RSPRY1: variants seen among roughly 807,000 people sequenced by gnomAD.
RSPRY1 encodes the protein RING finger and SPRY domain-containing protein 1.
RSPRY1 carries 23 observed loss-of-function variants against 73.1 expected under a neutral mutation model. The observed-to-expected ratio is 0.31, with a 90% CI of 0.23 to 0.45. The LOEUF (loss-of-function observed/expected upper bound fraction) is 0.45. Among genes scored for constraint, RSPRY1 ranks in the 20% least tolerant of loss-of-function variants. The probability of loss-of-function intolerance (pLI) is 1.00; values close to 1 mark genes in which losing one functional copy is unlikely to be tolerated. For synonymous variants in RSPRY1, 226 were observed against 251.4 expected, an observed-to-expected ratio of 0.90 and a Z score of 0.95; for missense variants, 448 against 698.7, an observed-to-expected ratio of 0.64 and a Z score of 4.05.
At chr16:57,220,885 G>A in intron 9 of RSPRY1, 38 bp downstream of exon 9, 1 of 1,386,310 alleles carries the variant, frequency 7.2e-7, no homozygotes, top group Middle Eastern at 1.8e-4. Context: ...TTTGGGGGAT[G>A]AGAGGGTAAT....
chr16:57,222,238 A>G (rs1463750188), intron 10 of RSPRY1, among the ~76,000 whole-genome samples: 4 of 152,164 alleles, frequency 2.6e-5, no homozygotes, highest in Admixed American at 6.5e-5. Context: ...CTTGCCGGCC[A>G]TAAGTATGGT....
rs528915304 is a variant in RSPRY1 at position 57,196,989 on chromosome 16, A to G, written c.-155-7515A>G. Among the ~76,000 whole-genome samples the G allele has an allele frequency of 2.6e-5, 4 of 152,314 alleles. No homozygotes were observed. The South Asian group carries it at 6.2e-4, about 24-fold the overall frequency. On this transcript the variant is annotated intron_variant, in intron 1 of 14. Coordinates refer to ENST00000394420, the MANE Select transcript of RSPRY1 (RefSeq NM_133368.3). ...TTAATTAGGACGTGTATCAGTAAAT[A>G]TTGCAGGGCTGGGACTTTCACCTAG... is the stretch of plus-strand genomic sequence containing the variant.
chr16:57,239,900 G>A lies in RSPRY1; in HGVS notation c.*925G>A, dbSNP rs1217058291. On this transcript the variant is annotated 3_prime_UTR_variant, in exon 15 of 15. Coordinates refer to ENST00000394420, the MANE Select transcript of RSPRY1 (RefSeq NM_133368.3). ...ACTAATAGTCTCAAAAACTCTAGAG[G>A]ACAGTCTGAGAACACGTATTTCTAT... 1.3e-5 allele frequency: 2 copies of A among 152,048 alleles called. No individual in the cohort carries two copies. The highest frequency in any genetic ancestry group is 1.9e-4 in the East Asian group (1 of 5,196). The allele number at this position is 152,048 out of a possible 1,614,324, so 9.4% of individuals were successfully genotyped here. A position where few individuals can be genotyped will look rare whatever the true frequency, so the allele number is the denominator to read the frequency against.
At chr16:57,204,252 CAAT>C (rs2074681733) in intron 1 of RSPRY1, among the ~76,000 whole-genome samples, 1 of 151,838 alleles carries the variant, frequency 6.6e-6, no homozygotes, top group South Asian at 2.1e-4. Context: ...TTAAAAAAAT[CAAT>C]GATAACTCCT....
Position 57,204,747 on chromosome 16 carries a change from T to C in RSPRY1, c.89T>C (p.Phe30Ser). The C allele has an allele frequency of 6.2e-7, 1 of 1,614,178 alleles. No homozygotes were observed. The part of the protein sequence containing the change: ...LLTLEEHIAH[F>S]LGTGGAATTM... Reference sequence around the variant, plus strand: ...ACTCTCGAAGAGCACATAGCCCACTTCCTAGGGACTGGAGGTGCCGCTACT... The same window carrying C: ...ACTCTCGAAGAGCACATAGCCCACTCCCTAGGGACTGGAGGTGCCGCTACT... The change falls in exon 2 of 15, where the codon TTC becomes TCC. Residue 30 changes from phenylalanine (F) to serine (S), a missense_variant. Coordinates refer to ENST00000394420, the MANE Select transcript of RSPRY1 (RefSeq NM_133368.3).
intron 1 of RSPRY1, among the ~76,000 whole-genome samples, chr16:57,200,955 G>C (rs1344762697): frequency 1.5e-5 from 2 of 129,426 alleles, no homozygotes; most frequent in Admixed American, 7.4e-5. Flanking sequence ...GCCGGGGGGG[G>C]GGGGGGCTGA....
chr16:57,225,235 A>G (rs2075102641), intron 10 of RSPRY1, among the ~76,000 whole-genome samples: 2 of 152,110 alleles, frequency 1.3e-5, no homozygotes, highest in African/African-American at 4.8e-5. Context: ...TAATTTTTGT[A>G]TTTTTAGTAG....
intron 14 of RSPRY1, among the ~76,000 whole-genome samples, chr16:57,236,134 A>C (rs1415123030): frequency 6.6e-6 from 1 of 152,198 alleles, no homozygotes; most frequent in Admixed American, 6.5e-5. Context: ...TGGAGGGTTT[A>C]GTTATCAGGG....
chr16:57,190,715 A>G (rs1437500950), intron 1 of RSPRY1, among the ~76,000 whole-genome samples: 1 of 152,168 alleles, frequency 6.6e-6, no homozygotes, highest in Non-Finnish European at 1.5e-5. Context: ...AGGAGTGAAT[A>G]TTTCCCTTTG....
intron 5 of RSPRY1, among the ~76,000 whole-genome samples, 183 bp from the exon 6 acceptor site, chr16:57,213,705 T>G (rs2074888191): frequency 6.6e-6 from 1 of 152,276 alleles, no homozygotes; most frequent in Admixed American, 6.5e-5. Context: ...AGTTAGTTGC[T>G]TAATTCTGTG....
At chr16:57,219,270 C>A (rs1344963407) in intron 8 of RSPRY1, among the ~76,000 whole-genome samples, 1 of 152,198 alleles carries the variant, frequency 6.6e-6, no homozygotes, top group Non-Finnish European at 1.5e-5. Flanking sequence ...AATTTGCATT[C>A]CTACTACCAG....
chr16:57,194,208 T>TA lies in RSPRY1; in HGVS notation c.-156+7765dup, dbSNP rs558962437. 2.5e-3 allele frequency among the ~76,000 whole-genome samples: 383 copies of TA among 151,854 alleles called. 2 individuals carry two copies. The highest frequency in any genetic ancestry group is 8.8e-3 in the African/African-American group (363 of 41,244). Reference sequence around the variant, plus strand: ...TGCCTATAGTTTACTTTGAAATATGTAAAAAAAACTGAATGGATTAATGAT... The same window carrying TA: ...TGCCTATAGTTTACTTTGAAATATGTAAAAAAAAACTGAATGGATTAATGAT... On this transcript the variant is annotated intron_variant, in intron 1 of 14. Coordinates refer to ENST00000394420, the MANE Select transcript of RSPRY1 (RefSeq NM_133368.3).
intron 13 of RSPRY1, among the ~76,000 whole-genome samples, chr16:57,233,502 G>A (rs1163866264): frequency 2.0e-5 from 3 of 152,110 alleles, no homozygotes; most frequent in Admixed American, 2.0e-4. Context: ...CTCCTGAGTA[G>A]CTGGGACTAC....
chr16:57,228,158 G>A (rs751947373), intron 11 of RSPRY1, among the ~76,000 whole-genome samples: 2 of 151,546 alleles, frequency 1.3e-5, no homozygotes, highest in African/African-American at 2.4e-5. Flanking sequence ...CTGCGGTCCC[G>A]GCTACTTGGG....
chr16:57,212,732 A>T (rs2074867753), intron 4 of RSPRY1, among the ~76,000 whole-genome samples: 1 of 152,136 alleles, frequency 6.6e-6, no homozygotes, highest in Non-Finnish European at 1.5e-5. Context: ...CTCCTGCCTA[A>T]GCCTCCTGAG....
At position 57,200,800 on chromosome 16, in the gene RSPRY1, C is replaced by A. The variant is rs1231599452; in HGVS notation, c.-155-3704C>A. 4.6e-4 allele frequency among the ~76,000 whole-genome samples: 49 copies of A among 105,456 alleles called. 5 individuals carry two copies. Among genetic ancestry groups the A allele is most frequent in the African/African-American group, 1.6e-3 (43 of 27,064 alleles). The allele number at this position is 105,456 out of a possible 152,430, so 69.2% of individuals were successfully genotyped here. On this transcript the variant is annotated intron_variant, in intron 1 of 14. Coordinates refer to ENST00000394420, the MANE Select transcript of RSPRY1 (RefSeq NM_133368.3). Reference sequence around the variant, plus strand: ...GGCCGGGCTGGGGGCTGGCCCCCCCCACATCCTTCCCGGACGGGGCGGCTG... The same window carrying A: ...GGCCGGGCTGGGGGCTGGCCCCCCCAACATCCTTCCCGGACGGGGCGGCTG...
intron 7 of RSPRY1, 81 bp from the exon 8 acceptor site, chr16:57,216,823 C>G (rs1350264816): frequency 7.5e-7 from 1 of 1,334,852 alleles, no homozygotes; most frequent in Non-Finnish European, 1.1e-6. Flanking sequence ...TGCCTCTTCC[C>G]CCTCCTTAGC....
Position 57,216,955 on chromosome 16 carries a change from C to T in RSPRY1, c.821C>T (p.Thr274Ile). 6.2e-7 allele frequency: 1 copy of T among 1,613,690 alleles called. No individual in the cohort carries two copies. Residue 274 changes from threonine (T) to isoleucine (I), a missense_variant, in exon 8 of 15, where the codon ACA (threonine) becomes ATA (isoleucine). Thr to Ile is a moderately conservative substitution (Grantham distance 89). Transcript: ENST00000394420. ...TCCAGTATTAGTGACCGGCTTGTCACATTGGAGTCCTGGGCTAATGATCCT... is the reference window on the plus strand; with the variant it reads ...TCCAGTATTAGTGACCGGCTTGTCATATTGGAGTCCTGGGCTAATGATCCT... Reference protein sequence around the residue: ...SESSISDRLVTLESWANDPDY... With the variant: ...SESSISDRLVILESWANDPDY...
intron 10 of RSPRY1, among the ~76,000 whole-genome samples, chr16:57,222,718 ATC>A (rs1182360467): frequency 1.3e-5 from 2 of 152,220 alleles, no homozygotes; most frequent in East Asian, 3.8e-4. Flanking sequence ...AATGGGGAAA[ATC>A]TCAGAGAATT....
Sources: allele counts gnomAD v4.1 joint callset (sites outside exome capture counted in the v4.1 genomes callset), GRCh38; gene constraint gnomAD v4.1.1; transcripts MANE v1.5; gene names NCBI Gene and HGNC (gene_info 2026-07-23, HGNC 2026-07-21).